TASL: variants seen among roughly 807,000 people sequenced by gnomAD.
TASL encodes the protein TLR adapter interacting with SLC15A4 on the lysosome.
A neutral mutation model predicts 12.9 loss-of-function variants in TASL; 6 were observed. The observed-to-expected ratio is 0.46, with a 90% confidence interval of 0.25 to 0.92. TASL has a LOEUF of 0.92. TASL is among the 40% of genes least tolerant of loss of function. TASL has a pLI of 0.17. For missense variants in TASL, 165 were observed against 212.8 expected, an observed-to-expected ratio of 0.78 and a Z score of 1.40; for synonymous variants, 85 against 79.3, an observed-to-expected ratio of 1.07 and a Z score of -0.38.
At chrX:30,576,718 AT>A (rs1260924888) in intron 2 of TASL, 33 bp downstream of exon 2, 3 of 111,409 alleles carry the variant, frequency 2.7e-5, no homozygotes, top group Non-Finnish European at 3.8e-5. Context: ...TTCAAACATC[AT>A]TTTGCTCTGA....
chrX:30,571,167 C>CA (rs1930588562), intron 2 of TASL, among the ~76,000 whole-genome samples: 1 of 85,562 alleles, frequency 1.2e-5, no homozygotes, highest in Non-Finnish European at 2.3e-5. Flanking sequence ...ACAACAAGAG[C>CA]AAAATTTAGT....
At chrX:30,572,974 T>A (rs1930650521) in intron 2 of TASL, among the ~76,000 whole-genome samples, 1 of 112,454 alleles carries the variant, frequency 8.9e-6, no homozygotes, top group African/African-American at 3.2e-5. Flanking sequence ...ATACGCATCA[T>A]AATAATGACA....
chrX:30,563,570 T>C (rs1198365874), intron 2 of TASL, among the ~76,000 whole-genome samples: 1 of 111,744 alleles, frequency 8.9e-6, no homozygotes, highest in Non-Finnish European at 1.9e-5. Flanking sequence ...CAGATCATCT[T>C]TCACACCTGG....
At chrX:30,571,137 G>A (rs988715653) in intron 2 of TASL, among the ~76,000 whole-genome samples, 8 of 105,045 alleles carry the variant, frequency 7.6e-5, no homozygotes, top group Non-Finnish European at 1.6e-4. Context: ...CTGAGATTGC[G>A]CCACTGCATT....
intron 2 of TASL, among the ~76,000 whole-genome samples, chrX:30,573,481 C>G (rs1440084619): frequency 8.9e-6 from 1 of 112,610 alleles, no homozygotes; most frequent in Non-Finnish European, 1.9e-5. Context: ...AATTATGTAT[C>G]GATGCTCATA....
rs1361521748 is a variant in TASL at position 30,564,116 on chromosome X, T to A, written c.-1-3760A>T. ...CTTAAAGAGTTAAGGTATAATATAATCATGAATTACAAATTGGATGCTATA... is the reference window on the plus strand; with the variant it reads ...CTTAAAGAGTTAAGGTATAATATAAACATGAATTACAAATTGGATGCTATA... On this transcript the variant is annotated intron_variant, in intron 2 of 2. Transcript: ENST00000378962. 2.7e-5 allele frequency among the ~76,000 whole-genome samples: 3 copies of A among 111,672 alleles called. No individual in the cohort carries two copies. The Admixed American group carries it at 2.9e-4, about 11-fold the overall frequency.
At position 30,560,364 on chromosome X, in the gene TASL, G is replaced by A. The variant is rs1276115107; in HGVS notation, c.-1-8C>T. On this transcript the variant is annotated splice_polypyrimidine_tract_variant and splice_region_variant and intron_variant, in intron 2 of 2. Coordinates refer to ENST00000378962, the MANE Select transcript of TASL (RefSeq NM_025159.3). Reference sequence around the variant, plus strand: ...TACCCTTCTGACAGCATTCTGGAAAGAGAATTGATGAGTAAGAATGGGGAA... The same window carrying A: ...TACCCTTCTGACAGCATTCTGGAAAAAGAATTGATGAGTAAGAATGGGGAA... 6 of 1,117,769 alleles carry A rather than the reference G, an allele frequency of 5.4e-6. No individual in the cohort carries two copies. Among genetic ancestry groups the A allele is most frequent in the Non-Finnish European group, 6.0e-6 (5 of 836,053 alleles). The allele number at this position is 1,117,769 out of a possible 1,213,427, so 92.1% of individuals were successfully genotyped here.
At chrX:30,572,994 C>G (rs763474405) in intron 2 of TASL, among the ~76,000 whole-genome samples, 2 of 112,057 alleles carry the variant, frequency 1.8e-5, no homozygotes, top group South Asian at 7.5e-4. Context: ...AGCTGTATGC[C>G]GAGTGCTTTC....
At chrX:30,568,922 G>C (rs1325697107) in intron 2 of TASL, among the ~76,000 whole-genome samples, 1 of 103,999 alleles carries the variant, frequency 9.6e-6, no homozygotes, top group Non-Finnish European at 2.0e-5. Flanking sequence ...TCTGATGACG[G>C]AAAAACAGAA....
chrX:30,567,784 G>C (rs1930521533), intron 2 of TASL, among the ~76,000 whole-genome samples: 1 of 111,997 alleles, frequency 8.9e-6, no homozygotes, highest in East Asian at 2.8e-4. Context: ...TAAATATCAA[G>C]TAATTAGTTA....
In TASL at chrX:30,560,371, G is replaced by T. The variant is rs186371198; in HGVS notation, c.-1-15C>A. 1.4e-4 allele frequency: 156 copies of T among 1,110,480 alleles called. No individual in the cohort carries two copies. The East Asian group carries it at 2.5e-3, about 18-fold the overall frequency. 91.5% of individuals were successfully genotyped at this position (1,110,480 alleles called of 1,213,427 possible). A position where few individuals can be genotyped will look rare whatever the true frequency, so the allele number is the denominator to read the frequency against. On this transcript the variant is annotated splice_polypyrimidine_tract_variant and intron_variant, in intron 2 of 2. Transcript: ENST00000378962. The stretch of plus-strand genomic sequence containing the variant: ...CTGACAGCATTCTGGAAAGAGAATT[G>T]ATGAGTAAGAATGGGGAAAAAGAAT...
At chrX:30,571,282 G>GAAAGAAAGAAAGAAAGAAAGAAAGAA (rs1930610713) in intron 2 of TASL, among the ~76,000 whole-genome samples, 12 of 68,503 alleles carry the variant, frequency 1.8e-4, no homozygotes, top group African/African-American at 6.0e-4. Context: ...AAGAAAGAAA[G>GAAAGAAAGAAAGAAAGAAAGAAAGAA]AAAGAAAGAA....
intron 2 of TASL, among the ~76,000 whole-genome samples, chrX:30,562,256 T>C (rs1244172350): frequency 8.9e-6 from 1 of 112,285 alleles, no homozygotes; most frequent in Non-Finnish European, 1.9e-5. Flanking sequence ...ATAATATTTA[T>C]GCACTAATAA....
At chrX:30,562,271 CTT>C (rs1263830569) in intron 2 of TASL, among the ~76,000 whole-genome samples, 7 of 112,007 alleles carry the variant, frequency 6.2e-5, no homozygotes, top group Non-Finnish European at 1.3e-4. Flanking sequence ...TAATAATAAA[CTT>C]AAGTAGACTG....
chrX:30,560,140 C>T lies in TASL; in HGVS notation c.216G>A (p.Glu72=). ...GKFISSVHSR[E]SQHSRSQRVT... is the part of the protein sequence containing the mutation. ...CTCTCTGACTTCTGCTATGTTGGCT[C>T]TCTCTTGAATGCACTGAAGAGATAA... Residue 72 remains glutamate, a synonymous_variant, in exon 3 of 3, where the codon GAG becomes GAA. Coordinates refer to ENST00000378962, the MANE Select transcript of TASL (RefSeq NM_025159.3). The T allele has an allele frequency of 1.7e-6, 2 of 1,210,119 alleles. No homozygotes were observed. Among genetic ancestry groups the T allele is most frequent in the Non-Finnish European group, 2.2e-6 (2 of 894,408 alleles).
chrX:30,563,263 C>T (rs1930453855), intron 2 of TASL, among the ~76,000 whole-genome samples: 1 of 111,866 alleles, frequency 8.9e-6, no homozygotes, highest in Non-Finnish European at 1.9e-5. Context: ...CATTCTCTCT[C>T]CTGCCACCCT....
chrX:30,565,593 G>A (rs1930485705), intron 2 of TASL, among the ~76,000 whole-genome samples: 1 of 109,922 alleles, frequency 9.1e-6, no homozygotes, highest in Non-Finnish European at 1.9e-5. Flanking sequence ...GCTACATGTA[G>A]TTATTGGGTA....
chrX:30,563,703 T>C (rs959937531), intron 2 of TASL, among the ~76,000 whole-genome samples: 4 of 111,717 alleles, frequency 3.6e-5, no homozygotes, highest in Non-Finnish European at 7.5e-5. Flanking sequence ...AGTTACTGAA[T>C]TGATAATAGA....
chrX:30,564,815 A>G (rs1356880779), intron 2 of TASL, among the ~76,000 whole-genome samples: 7 of 111,983 alleles, frequency 6.3e-5, no homozygotes, highest in Non-Finnish European at 9.4e-5. Context: ...CCAGCACAGG[A>G]GAGAAACAAA....
Sources: gnomAD v4.1 joint callset for allele counts (sites outside exome capture counted in the v4.1 genomes callset) on GRCh38, gnomAD v4.1.1 for gene constraint, MANE v1.5 for transcripts, NCBI Gene and HGNC (gene_info 2026-07-23, HGNC 2026-07-21) for gene names.